IGF1R: variants seen among roughly 807,000 people sequenced by gnomAD.
IGF1R encodes insulin like growth factor 1 receptor.
In IGF1R, 44 loss-of-function variants were observed where a neutral mutation model predicts 144.6. The ratio of observed to expected loss-of-function variants is 0.30; its 90% CI spans 0.24 to 0.39. The LOEUF (loss-of-function observed/expected upper bound fraction) is 0.39. Among genes scored for constraint, IGF1R ranks in the 10% least tolerant of loss-of-function variants. The pLI is 1.00. For synonymous variants in IGF1R, 795 were observed against 722.8 expected (o/e 1.10, Z -1.60); for missense variants, 1,355 against 1,833.7 (o/e 0.74, Z 4.77).
At chr15:98,881,678 G>A (rs532961936) in intron 2 of IGF1R, among the ~76,000 whole-genome samples, 86 of 152,176 alleles carry the variant, frequency 5.7e-4, no homozygotes, top group Non-Finnish European at 9.6e-4. Context: ...CCATAAACAC[G>A]GTGGGGGAAG....
At position 98,780,413 on chromosome 15, in the gene IGF1R, G is replaced by A. The variant is rs369162230; in HGVS notation, c.640+72306G>A. On this transcript the variant is annotated intron_variant, in intron 2 of 20. Transcript: ENST00000650285. ...TAAAAATACAAAATTAGCCACAGTGGTGGCGCATGCCTGTAATCCCAGCTA... is the reference window on the plus strand; with the variant it reads ...TAAAAATACAAAATTAGCCACAGTGATGGCGCATGCCTGTAATCCCAGCTA... 6.6e-5 allele frequency among the ~76,000 whole-genome samples: 10 copies of A among 151,912 alleles called. No individual in the cohort carries two copies. The East Asian group carries it at 1.5e-3, about 24-fold the overall frequency.
chr15:98,740,964 G>A (rs75056542), intron 2 of IGF1R, among the ~76,000 whole-genome samples: 2,032 of 152,186 alleles, frequency 0.013, 47 homozygotes, highest in African/African-American at 0.046. Context: ...TTTGCTGGTC[G>A]GCAAATCTCA....
intron 2 of IGF1R, among the ~76,000 whole-genome samples, chr15:98,708,976 A>G (rs894665658): frequency 1.3e-5 from 2 of 152,228 alleles, no homozygotes; most frequent in African/African-American, 4.8e-5. Flanking sequence ...TCATGTGATC[A>G]GTTCCTTAAG....
chr15:98,654,250 A>C (rs1179336457), intron 1 of IGF1R, among the ~76,000 whole-genome samples: 1 of 152,226 alleles, frequency 6.6e-6, no homozygotes, highest in Non-Finnish European at 1.5e-5. Flanking sequence ...ATGTTAACCC[A>C]TCTTGACTGG....
chr15:98,875,104 G>T (rs2012987715), intron 2 of IGF1R, among the ~76,000 whole-genome samples: 1 of 152,100 alleles, frequency 6.6e-6, no homozygotes, highest in South Asian at 2.1e-4. Flanking sequence ...CTGCCCTCTG[G>T]CCTGCCCAGG....
intron 2 of IGF1R, among the ~76,000 whole-genome samples, chr15:98,815,749 G>C (rs1396322472): frequency 1.3e-5 from 2 of 151,980 alleles, no homozygotes; most frequent in Non-Finnish European, 2.9e-5. Context: ...AGCTTCTCTA[G>C]CTTTGGCTAG....
chr15:98,919,178 G>T (rs2015379863), intron 10 of IGF1R, among the ~76,000 whole-genome samples: 1 of 152,182 alleles, frequency 6.6e-6, no homozygotes. Context: ...TTTGGGACCT[G>T]GTCCTCATTC....
intron 2 of IGF1R, among the ~76,000 whole-genome samples, chr15:98,837,173 A>T (rs533294486): frequency 6.6e-6 from 1 of 152,130 alleles, no homozygotes; most frequent in African/African-American, 2.4e-5. Context: ...GGTTTGAGCA[A>T]TCCTCCCATC....
chr15:98,898,536 A>G (rs553260515), intron 4 of IGF1R, among the ~76,000 whole-genome samples: 1 of 152,298 alleles, frequency 6.6e-6, no homozygotes, highest in East Asian at 1.9e-4. Flanking sequence ...CATCTTTCCA[A>G]CTTGAACTTC....
At chr15:98,930,354 G>A (rs749215220) in intron 15 of IGF1R, 49 bp downstream of exon 15, 2 of 1,390,884 alleles carry the variant, frequency 1.4e-6, no homozygotes, top group African/African-American at 1.4e-5. Context: ...CAGGTAGATC[G>A]GGAGCTTTCA....
At chr15:98,708,139 T>A in intron 2 of IGF1R, 32 bp downstream of exon 2, 1 of 1,574,724 alleles carries the variant, frequency 6.4e-7, no homozygotes, top group Non-Finnish European at 8.7e-7. Context: ...GCTTTCTCTC[T>A]GCCTCTCTCT....
intron 2 of IGF1R, among the ~76,000 whole-genome samples, chr15:98,887,692 T>A (rs2013707865): frequency 6.6e-6 from 1 of 152,224 alleles, no homozygotes; most frequent in South Asian, 2.1e-4. Context: ...CGAGCGGGAA[T>A]GTGAGCGTTG....
At chr15:98,717,953 G>A (rs113703168) in intron 2 of IGF1R, among the ~76,000 whole-genome samples, 1 of 152,154 alleles carries the variant, frequency 6.6e-6, no homozygotes, top group Admixed American at 6.5e-5. Context: ...GTATATGTGT[G>A]CACACGTGCA....
At chr15:98,854,237 G>A (rs765863031) in intron 2 of IGF1R, among the ~76,000 whole-genome samples, 22 of 152,286 alleles carry the variant, frequency 1.4e-4, no homozygotes, top group Non-Finnish European at 3.1e-4. Context: ...GTGATTGAAG[G>A]CAGAAAGACA....
chr15:98,831,949 A>T (rs2057009159), intron 2 of IGF1R, among the ~76,000 whole-genome samples: 1 of 152,052 alleles, frequency 6.6e-6, no homozygotes, highest in African/African-American at 2.4e-5. Context: ...ACTTCAGAGA[A>T]CAGCCTTGTC....
At chr15:98,663,354 C>T (rs182959955) in intron 1 of IGF1R, among the ~76,000 whole-genome samples, 2 of 152,174 alleles carry the variant, frequency 1.3e-5, no homozygotes, top group Non-Finnish European at 2.9e-5. Context: ...ATGGAGAGAG[C>T]TAGGGGAGAG....
At chr15:98,890,081 T>G (rs187502424) in intron 2 of IGF1R, among the ~76,000 whole-genome samples, 7 of 151,134 alleles carry the variant, frequency 4.6e-5, no homozygotes, top group Non-Finnish European at 7.4e-5. Context: ...CTGATTTCAC[T>G]TTAGCACACG....
intron 2 of IGF1R, among the ~76,000 whole-genome samples, chr15:98,871,910 AGTTT>A (rs1363685823): frequency 1.3e-5 from 2 of 152,184 alleles, no homozygotes; most frequent in African/African-American, 2.4e-5. Context: ...TTGTATTGGG[AGTTT>A]GTTTGTTTGT....
At chr15:98,804,742 C>A (rs909466720) in intron 2 of IGF1R, among the ~76,000 whole-genome samples, 1 of 152,142 alleles carries the variant, frequency 6.6e-6, no homozygotes, top group East Asian at 1.9e-4. Context: ...GATGGAGTTT[C>A]GCTGGAGTGC....
Sources: allele counts gnomAD v4.1 joint callset (sites outside exome capture counted in the v4.1 genomes callset), GRCh38; gene constraint gnomAD v4.1.1; transcripts MANE v1.5; gene names NCBI Gene and HGNC (gene_info 2026-07-23, HGNC 2026-07-21).